The following NAV3 variants were observed in gnomAD, a reference collection of about 807,000 sequenced individuals.
NAV3 encodes the protein pore membrane and/or filament interacting like protein 1.
In NAV3, 87 loss-of-function variants were observed where a neutral mutation model predicts 244.7. The observed-to-expected ratio is 0.36, with a 90% confidence interval of 0.30 to 0.42. The LOEUF (loss-of-function observed/expected upper bound fraction) is 0.42, where lower values mean the gene tolerates loss of function less well. Among genes scored for constraint, NAV3 ranks in the 20% least tolerant of loss-of-function variants. The pLI is 1.00. For missense variants in NAV3, 2,663 were observed against 2,893.3 expected, an observed-to-expected ratio of 0.92 and a Z score of 1.83; for synonymous variants, 1,126 against 1,042.2, an observed-to-expected ratio of 1.08 and a Z score of -1.55.
At chr12:78,091,786 A>G (rs1219294597) in intron 12 of NAV3, 1 of 100,902 alleles carries the variant, frequency 9.9e-6, no homozygotes, top group African/African-American at 3.8e-5. Flanking sequence ...ACAGAGCGAG[A>G]CTCCGTCTCA....
chr12:78,190,172 A>G lies in NAV3; in HGVS notation c.6244A>G (p.Thr2082Ala), dbSNP rs1218600400. 1.1e-5 allele frequency: 17 copies of G among 1,612,890 alleles called. No individual in the cohort carries two copies. Among genetic ancestry groups the G allele is most frequent in the Non-Finnish European group, 1.4e-5 (17 of 1,179,432 alleles). Reference protein sequence around the residue: ...YVITKSGRKKTEDAIATFNVD... With the variant: ...YVITKSGRKKAEDAIATFNVD... Reference sequence around the variant, plus strand: ...AATAACCAAATCTGGAAGGAAAAAAACAGAGGATGCAATTGCCACTTTTAA... The same window carrying G: ...AATAACCAAATCTGGAAGGAAAAAAGCAGAGGATGCAATTGCCACTTTTAA... The change falls in exon 34 of 40, where the codon ACA becomes GCA. Residue 2082 changes from threonine to alanine, a missense_variant. Thr to Ala is a moderately conservative substitution (Grantham distance 58). Transcript: ENST00000397909.
intron 1 of NAV3, among the ~76,000 whole-genome samples, chr12:77,893,599 AAG>A (rs563857740): frequency 1.0e-3 from 158 of 152,184 alleles, no homozygotes; most frequent in African/African-American, 3.6e-3. Context: ...AAAAAAAAAA[AAG>A]AAAACTTGGG....
At chr12:77,663,522 C>CT (rs4017472) in intron 2 of NAV3, among the ~76,000 whole-genome samples, 5,869 of 139,308 alleles carry the variant, frequency 0.042, 189 homozygotes, top group African/African-American at 0.058. Context: ...TCTTCTTCTT[C>CT]TTTTTTTTTT....
intron 2 of NAV3, among the ~76,000 whole-genome samples, chr12:77,609,307 A>G (rs150002210): frequency 2.5e-4 from 38 of 152,202 alleles, no homozygotes; most frequent in African/African-American, 8.4e-4. Flanking sequence ...ATCACTTTAA[A>G]TTCCCATTTA....
At chr12:78,015,051 G>A (rs1017366482) in intron 8 of NAV3, among the ~76,000 whole-genome samples, 4 of 151,990 alleles carry the variant, frequency 2.6e-5, no homozygotes, top group African/African-American at 9.7e-5. Flanking sequence ...ACCACGAGTC[G>A]GCATTTTCCC....
chr12:78,179,920 AC>A (rs1349816356), intron 29 of NAV3, among the ~76,000 whole-genome samples: 1 of 152,122 alleles, frequency 6.6e-6, no homozygotes, highest in Non-Finnish European at 1.5e-5. Flanking sequence ...AGGATACTGT[AC>A]TAGTAATTGG....
intron 39 of NAV3, among the ~76,000 whole-genome samples, chr12:78,207,361 ATGT>A (rs1382204315): frequency 6.6e-6 from 1 of 152,184 alleles, no homozygotes; most frequent in African/African-American, 2.4e-5. Flanking sequence ...AACAAAGAGA[ATGT>A]TAATAAGTAT....
intron 2 of NAV3, among the ~76,000 whole-genome samples, chr12:77,664,995 G>C (rs747949881): frequency 5.9e-5 from 9 of 152,138 alleles, no homozygotes; most frequent in African/African-American, 9.7e-5. Context: ...AGCCTCCCAA[G>C]TAGCTGGGAC....
chr12:78,116,557 A>G (rs555675451), intron 12 of NAV3, among the ~76,000 whole-genome samples: 2 of 152,280 alleles, frequency 1.3e-5, no homozygotes, highest in Admixed American at 1.3e-4. Context: ...TGCTCTAGAC[A>G]CTGATTCTTT....
chr12:78,066,824 A>G (rs1352315512), intron 12 of NAV3, among the ~76,000 whole-genome samples: 2 of 152,128 alleles, frequency 1.3e-5, no homozygotes, highest in African/African-American at 2.4e-5. Context: ...AAGGCATTAA[A>G]GATTGTCATG....
intron 2 of NAV3, among the ~76,000 whole-genome samples, chr12:77,759,161 A>G (rs997296992): frequency 6.6e-6 from 1 of 152,132 alleles, no homozygotes; most frequent in Non-Finnish European, 1.5e-5. Flanking sequence ...GATTTTTTCT[A>G]TGTTTAATAC....
intron 20 of NAV3, among the ~76,000 whole-genome samples, chr12:78,140,864 TA>T (rs1205627248): frequency 6.6e-6 from 1 of 151,476 alleles, no homozygotes; most frequent in Admixed American, 6.6e-5. Flanking sequence ...GTGATTTTTT[TA>T]ACTTTTATTT....
intron 2 of NAV3, among the ~76,000 whole-genome samples, chr12:77,664,508 A>G (rs951427180): frequency 6.6e-6 from 1 of 152,192 alleles, no homozygotes; most frequent in Non-Finnish European, 1.5e-5. Flanking sequence ...ATAATTTGAC[A>G]GTATCATTAA....
At chr12:77,599,741 T>A (rs80219189) in intron 2 of NAV3, among the ~76,000 whole-genome samples, 1 of 152,070 alleles carries the variant, frequency 6.6e-6, no homozygotes, top group South Asian at 2.1e-4. Flanking sequence ...TCTTATTTTT[T>A]AAAAATGCAT....
At chr12:77,962,193 G>T (rs1342572195) in intron 3 of NAV3, among the ~76,000 whole-genome samples, 2 of 151,746 alleles carry the variant, frequency 1.3e-5, no homozygotes, top group Non-Finnish European at 2.9e-5. Flanking sequence ...ATCTCCTAAG[G>T]CTCAATGTTT....
chr12:78,036,973 G>A (rs771779352), intron 9 of NAV3: 1 of 702,850 alleles, frequency 1.4e-6, no homozygotes, highest in Non-Finnish European at 2.6e-6. Context: ...ACCAGTGATG[G>A]GGAGAGGAGA....
At chr12:77,950,439 A>T (rs1890761521) in intron 3 of NAV3, 1 of 152,128 alleles carries the variant, frequency 6.6e-6, no homozygotes, top group Non-Finnish European at 1.5e-5. Context: ...TCATATGCTT[A>T]TATGTCTTCA....
At chr12:78,177,535 T>A in intron 27 of NAV3, 85 bp from the exon 28 acceptor site, 2 of 1,323,186 alleles carry the variant, frequency 1.5e-6, no homozygotes, top group Non-Finnish European at 2.1e-6. Flanking sequence ...TTTCTTGATC[T>A]CATTCTCCAG....
At chr12:77,918,843 G>C (rs1677898) in intron 1 of NAV3, among the ~76,000 whole-genome samples, 17,051 of 151,992 alleles carry the variant, frequency 0.11, 1,082 homozygotes, top group South Asian at 0.2. Context: ...TATCATGTTT[G>C]CTAAGGTTAC....
Sources: allele counts gnomAD v4.1 joint callset (sites outside exome capture counted in the v4.1 genomes callset), GRCh38; gene constraint gnomAD v4.1.1; transcripts MANE v1.5; gene names NCBI Gene and HGNC (gene_info 2026-07-23, HGNC 2026-07-21).